Variants in NOP14 observed in about 807,000 individuals in gnomAD.
NOP14 encodes NOP14 nucleolar protein.
Under a neutral mutation model 101.6 loss-of-function variants are expected in NOP14, and 57 were observed. That is an observed-to-expected ratio of 0.56 (90% CI 0.45 to 0.70). The LOEUF is 0.70. NOP14 is among the 30% of genes least tolerant of loss of function. The pLI, the probability that NOP14 is intolerant of heterozygous loss-of-function variation, is 0.00. For synonymous variants in NOP14, 428 were observed against 424.0 expected, an observed-to-expected ratio of 1.01 and a Z score of -0.12; for missense variants, 1,134 against 1,075.5, an observed-to-expected ratio of 1.05 and a Z score of -0.76.
At chr4:2,955,265 C>T (rs1421443160) in intron 3 of NOP14, among the ~76,000 whole-genome samples, 1 of 51,420 alleles carries the variant, frequency 1.9e-5, no homozygotes, top group Non-Finnish European at 3.7e-5. Context: ...TGCACCACGG[C>T]GCCCTCTAGT....
chr4:2,960,846 C>CACATTATCAATATATTAATATTATAATT lies in NOP14; in HGVS notation c.195+2251_195+2278dup, dbSNP rs1205667771. Among the ~76,000 whole-genome samples, 14 of 72,624 alleles carry CACATTATCAATATATTAATATTATAATT rather than the reference C, an allele frequency of 1.9e-4. 2 individuals are homozygous for CACATTATCAATATATTAATATTATAATT. The highest frequency in any genetic ancestry group is 3.1e-4 in the Non-Finnish European group (11 of 35,958). 47.6% of individuals were successfully genotyped at this position (72,624 alleles called of 152,430 possible). ...ATTATCAATATATTAATATTATAAT[C>CACATTATCAATATATTAATATTATAATT]ACATTATCAATATATTAATATTATA... On this transcript the variant is annotated intron_variant, in intron 1 of 17. Transcript: ENST00000416614.
At chr4:2,939,398 C>G in intron 16 of NOP14, 55 bp from the exon 17 acceptor site, 1 of 1,611,272 alleles carries the variant, frequency 6.2e-7, no homozygotes, top group Non-Finnish European at 8.5e-7. Flanking sequence ...ACCTCTCAGC[C>G]AGAGCCTGCT....
chr4:2,938,213 T>C lies in NOP14; in HGVS notation c.*618A>G. The C allele has an allele frequency of 7.8e-7, 1 of 1,289,060 alleles. No homozygotes were observed. Among genetic ancestry groups the C allele is most frequent in the Non-Finnish European group, 1.0e-6 (1 of 988,624 alleles). The allele number at this position is 1,289,060 out of a possible 1,614,324, so 79.9% of individuals were successfully genotyped here. A position where few individuals can be genotyped will look rare whatever the true frequency, so the allele number is the denominator to read the frequency against. ...GCTGGAGGTTGGAATCACACCAACA[T>C]TATAGCATTATTACTCTAAAAAAAA... is the stretch of plus-strand genomic sequence containing the variant. On this transcript the variant is annotated 3_prime_UTR_variant, in exon 18 of 18. Coordinates refer to ENST00000416614, the MANE Select transcript of NOP14 (RefSeq NM_001291978.2).
chr4:2,947,497 A>C (rs1297086650), intron 10 of NOP14, 29 bp downstream of exon 10: 1 of 1,482,214 alleles, frequency 6.7e-7, no homozygotes, highest in African/African-American at 1.4e-5. Flanking sequence ...TTAACCCCAC[A>C]TCCCAGATGA....
Position 2,942,178 on chromosome 4 carries a change from G to T in NOP14, c.2051+14C>A, listed in dbSNP as rs1253788385. The stretch of plus-strand genomic sequence containing the variant: ...TGTAGGGCACAGGCCCCAAAGCGGG[G>T]TCCCCTCACATACCGGATGTGATTG... On this transcript the variant is annotated intron_variant, in intron 14 of 17. Transcript: ENST00000416614. 6.2e-7 allele frequency: 1 copy of T among 1,610,634 alleles called. No homozygotes were observed. The highest frequency in any genetic ancestry group is 1.7e-5 in the Admixed American group (1 of 59,906).
At chr4:2,951,968 G>A (rs574501381) in intron 6 of NOP14, among the ~76,000 whole-genome samples, 5 of 152,086 alleles carry the variant, frequency 3.3e-5, no homozygotes, top group South Asian at 2.1e-4. Context: ...TTAGCCGGGC[G>A]TGGTGGCAGG....
intron 10 of NOP14, 138 bp downstream of exon 10, chr4:2,947,388 A>G (rs1714730604): frequency 1.5e-6 from 1 of 665,176 alleles, no homozygotes; most frequent in African/African-American, 1.8e-5. Context: ...GCCCTGGGTG[A>G]CCACCTGCCC....
At chr4:2,960,693 T>C (rs1304206329) in intron 1 of NOP14, among the ~76,000 whole-genome samples, 1 of 137,964 alleles carries the variant, frequency 7.2e-6, no homozygotes, top group Non-Finnish European at 1.5e-5. Flanking sequence ...AATATTATAA[T>C]CACATTAATA....
chr4:2,955,822 C>T (rs1288931607), intron 3 of NOP14, among the ~76,000 whole-genome samples: 1 of 152,226 alleles, frequency 6.6e-6, no homozygotes, highest in South Asian at 2.1e-4. Flanking sequence ...TCCTGGTGTG[C>T]CGCAGATGGC....
At chr4:2,950,802 A>G (rs1479624225) in intron 7 of NOP14, 1 of 254,102 alleles carries the variant, frequency 3.9e-6, no homozygotes, top group African/African-American at 2.2e-5. Context: ...GGTCATGCAG[A>G]TAGAATCATA....
intron 3 of NOP14, 33 bp downstream of exon 3, chr4:2,956,637 C>G: frequency 1.3e-6 from 2 of 1,584,242 alleles, no homozygotes; most frequent in Non-Finnish European, 1.7e-6. Flanking sequence ...TGACTCCACG[C>G]CCACAGGCCC....
chr4:2,944,428 C>T (rs1426870489), intron 12 of NOP14, among the ~76,000 whole-genome samples: 5 of 151,846 alleles, frequency 3.3e-5, no homozygotes, highest in African/African-American at 7.3e-5. Context: ...TTTCCCGAGA[C>T]GGAGTTTCAC....
intron 1 of NOP14, chr4:2,961,770 G>A (rs776366558): frequency 6.6e-6 from 1 of 152,198 alleles, no homozygotes; most frequent in Admixed American, 6.5e-5. Flanking sequence ...TCCTGACCGG[G>A]ATCTCCTAAG....
rs1577833596 is a variant in NOP14, at chr4:2,947,377, A to G, written c.1499+149T>C. The stretch of plus-strand genomic sequence containing the variant: ...GCCGGCTTGCGCTGTGAGGCTCACA[A>G]GCCCTGGGTGACCACCTGCCCACTT... On this transcript the variant is annotated intron_variant, in intron 10 of 17. Coordinates refer to ENST00000416614, the MANE Select transcript of NOP14 (RefSeq NM_001291978.2). The G allele has an allele frequency of 9.4e-6, 6 of 639,502 alleles. No individual in the cohort carries two copies. In the East Asian group the frequency reaches 1.6e-4, roughly 18 times the overall value. 39.6% of individuals were successfully genotyped at this position (639,502 alleles called of 1,614,324 possible). A position where few individuals can be genotyped will look rare whatever the true frequency, so the allele number is the denominator to read the frequency against.
chr4:2,944,411 A>AT (rs111517923), intron 12 of NOP14, among the ~76,000 whole-genome samples, 185 bp from the exon 13 acceptor site: 51,112 of 151,402 alleles, frequency 0.34, 8,851 homozygotes, highest in African/African-American at 0.36. Flanking sequence ...AGCTTTAGTG[A>AT]TTTTTTTTTC....
chr4:2,950,638 T>G lies in NOP14; in HGVS notation c.1003-425A>C, dbSNP rs1250983280. Reference sequence around the variant, plus strand: ...ACCTGTCCTGCCTATTTTTCTTCCCTGGACCCTGACTGATACACTCTTAAA... The same window carrying G: ...ACCTGTCCTGCCTATTTTTCTTCCCGGGACCCTGACTGATACACTCTTAAA... On this transcript the variant is annotated intron_variant, in intron 7 of 17. Transcript: ENST00000416614. 2.3e-5 allele frequency: 5 copies of G among 212,890 alleles called. No individual in the cohort carries two copies. The East Asian group carries it at 5.6e-4, about 24-fold the overall frequency. 13.2% of individuals were successfully genotyped at this position (212,890 alleles called of 1,614,324 possible).
In NOP14 at chr4:2,963,347, C is replaced by T; in HGVS notation, c.-28G>A. The T allele has an allele frequency of 6.5e-7, 1 of 1,533,038 alleles. No homozygotes were observed. The highest frequency in any genetic ancestry group is 8.7e-7 in the Non-Finnish European group (1 of 1,147,414). The allele number at this position is 1,533,038 out of a possible 1,614,324, so 95.0% of individuals were successfully genotyped here. A position where few individuals can be genotyped will look rare whatever the true frequency, so the allele number is the denominator to read the frequency against. ...CGCGCGCCCCGCTGCGCCCAAGGGC[C>T]CGAGACCCGAAGAGAGACAGGCGCG... On this transcript the variant is annotated 5_prime_UTR_variant, in exon 1 of 18. Transcript: ENST00000416614.
chr4:2,941,618 A>C lies in NOP14; in HGVS notation c.2163T>G (p.Asp721Glu), dbSNP rs762540306. ...IMGPLQALLT[D>E]HLADCSHPQE... ...GCGGGTGGCTGCAGTCCGCCAGGTG[A>C]TCCGTGAGGAGGGCTTGGAGAGGCC... The change falls in exon 15 of 18, where the codon GAT becomes GAG. Residue 721 changes from aspartate (D) to glutamate (E), a missense_variant. Transcript: ENST00000416614. The C allele has an allele frequency of 6.2e-7, 1 of 1,613,182 alleles. No individual in the cohort carries two copies. The highest frequency in any genetic ancestry group is 2.2e-5 in the East Asian group (1 of 44,872).
Position 2,941,474 on chromosome 4 carries a change from T to G in NOP14, c.2199+108A>C, listed in dbSNP as rs1294376627. The G allele has an allele frequency of 3.0e-6, 3 of 995,722 alleles. No individual in the cohort carries two copies. The African/African-American group carries it at 4.9e-5, about 16-fold the overall frequency. 61.7% of individuals were successfully genotyped at this position (995,722 alleles called of 1,614,324 possible). A position where few individuals can be genotyped will look rare whatever the true frequency, so the allele number is the denominator to read the frequency against. On this transcript the variant is annotated intron_variant, in intron 15 of 17. Coordinates refer to ENST00000416614, the MANE Select transcript of NOP14 (RefSeq NM_001291978.2). ...CATATTTGTGATTTTGCAAAGATGG[T>G]GTTGACTTACAGCTGCAGCATCAAA... is the stretch of plus-strand genomic sequence containing the variant.
Sources: gnomAD v4.1 joint callset for allele counts (sites outside exome capture counted in the v4.1 genomes callset) on GRCh38, gnomAD v4.1.1 for gene constraint, MANE v1.5 for transcripts, NCBI Gene and HGNC (gene_info 2026-07-23, HGNC 2026-07-21) for gene names.